Variants in PPP1R1A observed in about 807,000 individuals in gnomAD.
PPP1R1A encodes protein phosphatase 1 regulatory inhibitor subunit 1A, also known as protein phosphatase 1 regulatory subunit 1A.
A neutral mutation model predicts 23.9 loss-of-function variants in PPP1R1A; 18 were observed. The ratio of observed to expected loss-of-function variants is 0.75; its 90% CI spans 0.52 to 1.12. The LOEUF (loss-of-function observed/expected upper bound fraction) is 1.12. Among genes scored for constraint, PPP1R1A ranks in the 50% most tolerant of loss-of-function variants. PPP1R1A has a pLI of 0.00. For missense variants in PPP1R1A, 207 were observed against 223.8 expected (o/e 0.92, Z 0.48); for synonymous variants, 84 against 80.7 (o/e 1.04, Z -0.22).
In PPP1R1A at chr12:54,583,212, T is replaced by A. The variant is rs1330227662; in HGVS notation, c.182A>T (p.Lys61Met). The A allele has an allele frequency of 6.5e-7, 1 of 1,547,326 alleles. No homozygotes were observed. Among genetic ancestry groups the A allele is most frequent in the Non-Finnish European group, 8.7e-7 (1 of 1,152,192 alleles). ...GCTTAGTGGGATGGGCCAGCTCACC[T>A]TGAGATGTGGGTTGGGGATCCGGTC... ...DEDRIPNPHL[K>M]STLAMSPRQR... Residue 61 changes from lysine to methionine, a missense_variant and splice_region_variant, in exon 3 of 7, where the codon AAG (lysine) becomes ATG (methionine). Physicochemically the swap from Lys to Met is moderately conservative, Grantham distance 95. Coordinates refer to ENST00000257905, the MANE Select transcript of PPP1R1A (RefSeq NM_006741.4).
At chr12:54,587,674 C>A (rs942484993) in intron 1 of PPP1R1A, among the ~76,000 whole-genome samples, 1 of 152,144 alleles carries the variant, frequency 6.6e-6, no homozygotes, top group Non-Finnish European at 1.5e-5. Context: ...CAGCTTGGAC[C>A]CCAGCCCCTG....
chr12:54,588,118 G>A (rs1957928073), intron 1 of PPP1R1A, among the ~76,000 whole-genome samples: 1 of 151,988 alleles, frequency 6.6e-6, no homozygotes, highest in Non-Finnish European at 1.5e-5. Context: ...CCTCAAGCAG[G>A]CCCCCTCCCC....
chr12:54,585,831 G>A (rs1405641873), intron 1 of PPP1R1A, among the ~76,000 whole-genome samples: 2 of 148,444 alleles, frequency 1.3e-5, no homozygotes, highest in Non-Finnish European at 3.0e-5. Flanking sequence ...GGTATGTGGG[G>A]GTAGGGCATC....
At chr12:54,585,063 C>T (rs981228478) in intron 1 of PPP1R1A, among the ~76,000 whole-genome samples, 7 of 152,192 alleles carry the variant, frequency 4.6e-5, no homozygotes, top group South Asian at 4.1e-4. Flanking sequence ...TGTGTGACAG[C>T]GCCTGGAGAG....
chr12:54,584,959 G>A (rs951637769), intron 1 of PPP1R1A, among the ~76,000 whole-genome samples: 12 of 152,026 alleles, frequency 7.9e-5, no homozygotes, highest in Non-Finnish European at 1.5e-4. Context: ...CTGTCCTTCC[G>A]TCCATCCTGG....
At chr12:54,585,557 G>A (rs1167593919) in intron 1 of PPP1R1A, among the ~76,000 whole-genome samples, 2 of 152,138 alleles carry the variant, frequency 1.3e-5, no homozygotes, top group Non-Finnish European at 2.9e-5. Flanking sequence ...GTTAGCAGTG[G>A]GGAGGGAAGG....
chr12:54,587,703 C>T (rs893085305), intron 1 of PPP1R1A, among the ~76,000 whole-genome samples: 2 of 152,158 alleles, frequency 1.3e-5, no homozygotes, highest in Non-Finnish European at 2.9e-5. Context: ...CCACCTCTGG[C>T]CTCCCAGTGC....
rs778285617 is a variant in PPP1R1A, at chr12:54,582,101, C to G, written c.278G>C (p.Gly93Ala). 6.2e-7 allele frequency: 1 copy of G among 1,613,598 alleles called. No individual in the cohort carries two copies. Among genetic ancestry groups the G allele is most frequent in the Non-Finnish European group, 8.5e-7 (1 of 1,179,730 alleles). Residue 93 changes from glycine (G) to alanine (A), a missense_variant, in exon 5 of 7, where the codon GGG (glycine) becomes GCG (alanine). Transcript: ENST00000257905. ...AGGTTCCTCTCCTTGCTGCTGTTGC[C>G]CCAGGTGATGTTCAACCATCATCTG... ...ELQMMVEHHL[G>A]QQQQGEEPEG...
At chr12:54,587,946 C>T (rs1957926411) in intron 1 of PPP1R1A, among the ~76,000 whole-genome samples, 1 of 152,120 alleles carries the variant, frequency 6.6e-6, no homozygotes, top group Admixed American at 6.5e-5. Flanking sequence ...TTCTCCTCTT[C>T]CAACTCCCAC....
chr12:54,582,867 C>A, intron 3 of PPP1R1A, 72 bp from the exon 4 acceptor site: 1 of 1,456,778 alleles, frequency 6.9e-7, no homozygotes, highest in East Asian at 2.3e-5. Flanking sequence ...TGCCCTCTAG[C>A]CCCCCATGCC....
At chr12:54,582,652 C>T (rs1957866763) in intron 4 of PPP1R1A, 80 bp downstream of exon 4, 3 of 1,499,232 alleles carry the variant, frequency 2.0e-6, no homozygotes, top group Non-Finnish European at 1.9e-6. Context: ...GATTTAACGA[C>T]CTCCCTTCCA....
At chr12:54,583,534 C>A (rs1472482893) in intron 2 of PPP1R1A, among the ~76,000 whole-genome samples, 2 of 152,202 alleles carry the variant, frequency 1.3e-5, no homozygotes, top group Non-Finnish European at 2.9e-5. Context: ...AAGGCAGGAT[C>A]TGTAGTCTTT....
At position 54,580,365 on chromosome 12, in the gene PPP1R1A, T is replaced by A; in HGVS notation, c.*22A>T. Reference sequence around the variant, plus strand: ...ATGCATTCCCAAACTGCAGTCTTGATCCCAAGATACCTCCTCCTCTCTCAG... The same window carrying A: ...ATGCATTCCCAAACTGCAGTCTTGAACCCAAGATACCTCCTCCTCTCTCAG... On this transcript the variant is annotated 3_prime_UTR_variant, in exon 7 of 7. Coordinates refer to ENST00000257905, the MANE Select transcript of PPP1R1A (RefSeq NM_006741.4). 6.2e-7 allele frequency: 1 copy of A among 1,613,560 alleles called. No individual in the cohort carries two copies. The highest frequency in any genetic ancestry group is 8.5e-7 in the Non-Finnish European group (1 of 1,179,666).
intron 1 of PPP1R1A, among the ~76,000 whole-genome samples, chr12:54,584,711 A>G (rs1416031929): frequency 1.3e-5 from 2 of 151,482 alleles, no homozygotes; most frequent in Non-Finnish European, 2.9e-5. Context: ...CTGCACATGT[A>G]CCCCCCTGAA....
In PPP1R1A at chr12:54,585,147, C is replaced by T. The variant is rs1335094619; in HGVS notation, c.85-827G>A. Among the ~76,000 whole-genome samples the T allele has an allele frequency of 7.9e-5, 12 of 152,318 alleles. 1 individual carries two copies. In the East Asian group the frequency reaches 2.3e-3, roughly 29 times the overall value. On this transcript the variant is annotated intron_variant, in intron 1 of 6. Coordinates refer to ENST00000257905, the MANE Select transcript of PPP1R1A (RefSeq NM_006741.4). The stretch of plus-strand genomic sequence containing the variant: ...GATCTGAACGTGCATCTCCTCTGGC[C>T]TGTGCCCCTCACTCCCTAATGTCCT...
chr12:54,585,738 G>C (rs1957903435), intron 1 of PPP1R1A, among the ~76,000 whole-genome samples: 1 of 151,382 alleles, frequency 6.6e-6, no homozygotes, highest in African/African-American at 2.4e-5. Context: ...AGAAAAGTGG[G>C]GGGTACTGGC....
chr12:54,587,823 C>T (rs886655574), intron 1 of PPP1R1A, among the ~76,000 whole-genome samples: 1 of 152,030 alleles, frequency 6.6e-6, no homozygotes, highest in Non-Finnish European at 1.5e-5. Context: ...TCGACCACCC[C>T]TCTCCCCTCT....
chr12:54,583,246 T>A lies in PPP1R1A; in HGVS notation c.148A>T (p.Ile50Leu), dbSNP rs1435004741. ...VLTSDQSSPE[I>L]DEDRIPNPHL... ...GGGTTGGGGATCCGGTCTTCATCTATCTCTGAAGGGAACAGGGAAAGGAGA... is the reference window on the plus strand; with the variant it reads ...GGGTTGGGGATCCGGTCTTCATCTAACTCTGAAGGGAACAGGGAAAGGAGA... The change falls in exon 3 of 7, where the codon ATA becomes TTA. Residue 50 changes from isoleucine to leucine, a missense_variant and splice_region_variant. By Grantham distance (5) the Ile-to-Leu change is conservative. Transcript: ENST00000257905. The A allele has an allele frequency of 6.6e-7, 1 of 1,526,498 alleles. No homozygotes were observed. Among genetic ancestry groups the A allele is most frequent in the East Asian group, 2.4e-5 (1 of 41,716 alleles). 94.6% of individuals were successfully genotyped at this position (1,526,498 alleles called of 1,614,324 possible). A position where few individuals can be genotyped will look rare whatever the true frequency, so the allele number is the denominator to read the frequency against.
intron 4 of PPP1R1A, 112 bp from the exon 5 acceptor site, chr12:54,582,243 T>C: frequency 1.7e-6 from 2 of 1,161,642 alleles, no homozygotes; most frequent in Non-Finnish European, 2.4e-6. Flanking sequence ...TGCTGGGTGT[T>C]TGACTTTCCC....
Sources: allele counts gnomAD v4.1 joint callset (sites outside exome capture counted in the v4.1 genomes callset), GRCh38; gene constraint gnomAD v4.1.1; transcripts MANE v1.5; gene names NCBI Gene and HGNC (gene_info 2026-07-23, HGNC 2026-07-21).